The following KIFAP3 variants were observed in gnomAD, a reference collection of about 807,000 sequenced individuals.
The protein encoded by KIFAP3 is kinesin associated protein 3.
KIFAP3 carries 68 observed loss-of-function variants against 106.5 expected under a neutral mutation model. That is an observed-to-expected ratio of 0.64 (90% CI 0.53 to 0.78). The LOEUF (loss-of-function observed/expected upper bound fraction) is 0.78, where lower values mean the gene tolerates loss of function less well. KIFAP3 is among the 30% of genes least tolerant of loss of function. The pLI, the probability that KIFAP3 is intolerant of heterozygous loss-of-function variation, is 0.00. For missense variants in KIFAP3, 780 were observed against 941.8 expected, an observed-to-expected ratio of 0.83 and a Z score of 2.25; for synonymous variants, 320 against 311.5, an observed-to-expected ratio of 1.03 and a Z score of -0.29.
intron 1 of KIFAP3, among the ~76,000 whole-genome samples, chr1:170,081,804 T>C (rs1172832863): frequency 6.6e-6 from 1 of 152,190 alleles, no homozygotes; most frequent in Non-Finnish European, 1.5e-5. Flanking sequence ...CCTTTTGCCA[T>C]GTAGGTAATA....
intron 1 of KIFAP3, among the ~76,000 whole-genome samples, chr1:170,066,039 T>C (rs1162771020): frequency 6.6e-6 from 1 of 152,196 alleles, no homozygotes; most frequent in Non-Finnish European, 1.5e-5. Flanking sequence ...TTTGTGTAGA[T>C]GTTTTCACTA....
chr1:170,028,656 A>G (rs1669243213), intron 8 of KIFAP3, among the ~76,000 whole-genome samples: 1 of 152,288 alleles, frequency 6.6e-6, no homozygotes, highest in Admixed American at 6.5e-5. Context: ...GGTTTATAAC[A>G]TATGTATAAG....
intron 1 of KIFAP3, among the ~76,000 whole-genome samples, chr1:170,063,603 C>T (rs1050755288): frequency 5.3e-5 from 8 of 152,124 alleles, no homozygotes; most frequent in Admixed American, 2.0e-4. Flanking sequence ...ACTGCAATAC[C>T]GCTGTCACAG....
chr1:170,010,027 T>C (rs1668166836), intron 10 of KIFAP3, among the ~76,000 whole-genome samples: 2 of 152,088 alleles, frequency 1.3e-5, no homozygotes, highest in South Asian at 4.1e-4. Flanking sequence ...TCCCAGATGG[T>C]AGCATTAAGT....
At chr1:169,979,140 T>C (rs1289985931) in intron 15 of KIFAP3, among the ~76,000 whole-genome samples, 1 of 152,104 alleles carries the variant, frequency 6.6e-6, no homozygotes, top group Non-Finnish European at 1.5e-5. Context: ...ACTTTATGAA[T>C]ATCTTAGCTC....
intron 8 of KIFAP3, among the ~76,000 whole-genome samples, chr1:170,029,365 T>C (rs1048294762): frequency 5.3e-5 from 8 of 151,904 alleles, no homozygotes; most frequent in African/African-American, 1.9e-4. Flanking sequence ...GCCTTGAACA[T>C]CAATTATTTG....
At chr1:170,040,758 C>T (rs1571715514) in intron 3 of KIFAP3, among the ~76,000 whole-genome samples, 2 of 151,980 alleles carry the variant, frequency 1.3e-5, no homozygotes, top group East Asian at 3.9e-4. Flanking sequence ...ATAATATTTT[C>T]CTTATCTACG....
intron 1 of KIFAP3, among the ~76,000 whole-genome samples, chr1:170,057,086 G>A (rs1272283171): frequency 6.6e-6 from 1 of 152,046 alleles, no homozygotes; most frequent in Non-Finnish European, 1.5e-5. Flanking sequence ...AATTACATAA[G>A]GCAAACTAGT....
At chr1:170,036,121 A>G (rs1216148939) in intron 5 of KIFAP3, among the ~76,000 whole-genome samples, 1 of 152,108 alleles carries the variant, frequency 6.6e-6, no homozygotes, top group East Asian at 1.9e-4. Flanking sequence ...TCACAAAATT[A>G]ACTTTCAGGT....
intron 16 of KIFAP3, among the ~76,000 whole-genome samples, chr1:169,973,099 T>C (rs1197769394): frequency 6.7e-5 from 1 of 14,822 alleles, no homozygotes; most frequent in Admixed American, 9.1e-4. Flanking sequence ...ATTTAAAAAA[T>C]AGTGTGTATA....
At chr1:169,959,522 T>C (rs1042491272) in intron 18 of KIFAP3, among the ~76,000 whole-genome samples, 8 of 152,164 alleles carry the variant, frequency 5.3e-5, no homozygotes, top group African/African-American at 1.9e-4. Flanking sequence ...ACCTATACAT[T>C]GTAATTAAAA....
chr1:170,034,748 C>T (rs966923493), intron 6 of KIFAP3, among the ~76,000 whole-genome samples: 1 of 151,772 alleles, frequency 6.6e-6, no homozygotes, highest in Non-Finnish European at 1.5e-5. Flanking sequence ...AACTAACCAC[C>T]ATATTAACTA....
Position 169,983,303 on chromosome 1 carries a change from A to G in KIFAP3, c.1473T>C (p.Ser491=). 6.2e-7 allele frequency: 1 copy of G among 1,608,516 alleles called. No individual in the cohort carries two copies. Among genetic ancestry groups the G allele is most frequent in the Non-Finnish European group, 8.5e-7 (1 of 1,176,894 alleles). Residue 491 remains serine, a synonymous_variant, in exon 13 of 20, where the codon TCT becomes TCC. Coordinates refer to ENST00000361580, the MANE Select transcript of KIFAP3 (RefSeq NM_014970.4). The stretch of plus-strand genomic sequence containing the variant: ...GATTTTTAGTTGGTCCATCATGCTG[A>G]GAAATGTTTCTAATCATTTTCATCA... ...PLLMKMIRNI[S]QHDGPTKNLF...
chr1:169,930,763 G>A (rs556288177), intron 19 of KIFAP3, among the ~76,000 whole-genome samples: 1 of 152,134 alleles, frequency 6.6e-6, no homozygotes, highest in East Asian at 1.9e-4. Context: ...TTTGTCATTG[G>A]GGTATTCCCT....
intron 2 of KIFAP3, among the ~76,000 whole-genome samples, chr1:170,047,343 G>A (rs572517030): frequency 5.3e-5 from 8 of 151,926 alleles, no homozygotes; most frequent in South Asian, 2.1e-4. Flanking sequence ...AGATCTGGCC[G>A]GGCACGGTGG....
intron 1 of KIFAP3, among the ~76,000 whole-genome samples, chr1:170,082,052 C>T (rs1370383297): frequency 2.0e-5 from 3 of 152,172 alleles, no homozygotes; most frequent in African/African-American, 7.2e-5. Context: ...CAGTTAAATG[C>T]ATATTTACAA....
intron 2 of KIFAP3, among the ~76,000 whole-genome samples, chr1:170,053,408 C>G (rs535188608): frequency 6.6e-6 from 1 of 152,000 alleles, no homozygotes; most frequent in Admixed American, 6.6e-5. Context: ...GGCCATACTG[C>G]TCAAGGTTTA....
At chr1:169,991,575 T>A (rs1157132073) in intron 11 of KIFAP3, among the ~76,000 whole-genome samples, 2 of 152,146 alleles carry the variant, frequency 1.3e-5, no homozygotes, top group African/African-American at 4.8e-5. Context: ...TTAGAAGATA[T>A]TTTGGCCAAA....
chr1:169,926,525 G>A (rs1269955766), intron 19 of KIFAP3, among the ~76,000 whole-genome samples: 2 of 152,004 alleles, frequency 1.3e-5, no homozygotes, highest in African/African-American at 4.8e-5. Context: ...ATTTTAAGAA[G>A]ACATTATCAC....
Sources: gnomAD v4.1 joint callset for allele counts (sites outside exome capture counted in the v4.1 genomes callset) on GRCh38, gnomAD v4.1.1 for gene constraint, MANE v1.5 for transcripts, NCBI Gene and HGNC (gene_info 2026-07-23, HGNC 2026-07-21) for gene names.